Variants in CSMD2 observed in about 807,000 individuals in gnomAD.
CSMD2 encodes the protein CUB and sushi domain-containing protein 2.
In CSMD2, 130 loss-of-function variants were observed where a neutral mutation model predicts 398.5. That is an observed-to-expected ratio of 0.33 (90% confidence interval 0.28 to 0.38). The LOEUF is 0.38. Among genes scored for constraint, CSMD2 ranks in the 10% least tolerant of loss-of-function variants. The pLI, the probability that CSMD2 is intolerant of heterozygous loss-of-function variation, is 1.00. For synonymous variants in CSMD2, 1,828 were observed against 1,908.5 expected (o/e 0.96, Z 1.10); for missense variants, 3,829 against 4,764.9 (o/e 0.80, Z 5.78).
chr1:34,098,857 A>C (rs557265480), intron 1 of CSMD2, among the ~76,000 whole-genome samples: 21 of 152,328 alleles, frequency 1.4e-4, no homozygotes, highest in African/African-American at 5.1e-4. Context: ...GTGATTTTTT[A>C]GCATAATAGC....
In CSMD2 at chr1:33,692,908, C is replaced by T. The variant is rs1571241810; in HGVS notation, c.4052+22G>A. 11 of 1,606,910 alleles carry T rather than the reference C, an allele frequency of 6.8e-6. No individual in the cohort carries two copies. The East Asian group carries it at 2.0e-4, about 30-fold the overall frequency. ...TCCCCTGAACAACTGGCGATAGTTA[C>T]TTTGTCAGCCCTGACACTTACCCAA... On this transcript the variant is annotated intron_variant, in intron 25 of 70. Transcript: ENST00000373381.
chr1:33,774,136 TG>T (rs1196672663), intron 12 of CSMD2, among the ~76,000 whole-genome samples: 2 of 135,130 alleles, frequency 1.5e-5, no homozygotes, highest in Non-Finnish European at 3.1e-5. Flanking sequence ...TGTGTGTGTG[TG>T]TGTGTGTGTG....
intron 2 of CSMD2, among the ~76,000 whole-genome samples, chr1:34,061,540 G>GC (rs5773450): frequency 0.28 from 42,876 of 151,892 alleles, 6,947 homozygotes; most frequent in African/African-American, 0.43. Context: ...TGACTCATGG[G>GC]CTCAAATCCC....
chr1:33,526,240 G>A (rs1436683004), intron 65 of CSMD2, among the ~76,000 whole-genome samples: 3 of 152,148 alleles, frequency 2.0e-5, no homozygotes, highest in African/African-American at 7.2e-5. Context: ...AATGGAAGAG[G>A]GGAGAAGAGA....
At chr1:34,077,317 C>T (rs528468357) in intron 2 of CSMD2, among the ~76,000 whole-genome samples, 21 of 149,800 alleles carry the variant, frequency 1.4e-4, no homozygotes, top group Admixed American at 3.3e-4. Flanking sequence ...ATTAGCCGGG[C>T]GCGGTGGCGG....
chr1:34,004,493 C>T (rs375969626), intron 3 of CSMD2, among the ~76,000 whole-genome samples: 4 of 151,992 alleles, frequency 2.6e-5, no homozygotes, highest in African/African-American at 4.8e-5. Flanking sequence ...TTTTTGCCAG[C>T]GCCATTCTTT....
intron 3 of CSMD2, among the ~76,000 whole-genome samples, chr1:34,010,361 T>A (rs7541989): frequency 0.16 from 23,700 of 152,118 alleles, 2,445 homozygotes; most frequent in East Asian, 0.46. Context: ...CATACTGGAT[T>A]ATAAGGATAA....
intron 5 of CSMD2, among the ~76,000 whole-genome samples, chr1:33,906,990 T>G (rs1643128059): frequency 6.6e-6 from 1 of 151,884 alleles, no homozygotes; most frequent in Non-Finnish European, 1.5e-5. Context: ...AGAAAATGAC[T>G]GACAGTGTAA....
At chr1:33,627,502 A>G (rs1642201624) in intron 32 of CSMD2, among the ~76,000 whole-genome samples, 1 of 152,140 alleles carries the variant, frequency 6.6e-6, no homozygotes, top group African/African-American at 2.4e-5. Flanking sequence ...CTCAGGACGA[A>G]GCAGGGATTA....
intron 3 of CSMD2, among the ~76,000 whole-genome samples, chr1:33,957,229 G>C (rs891249372): frequency 6.6e-6 from 1 of 152,054 alleles, no homozygotes; most frequent in Non-Finnish European, 1.5e-5. Context: ...TGCAAGCAGG[G>C]AGCCTCTCTG....
chr1:34,087,778 TTTG>T (rs1301794450), intron 2 of CSMD2, among the ~76,000 whole-genome samples: 1 of 152,098 alleles, frequency 6.6e-6, no homozygotes, highest in African/African-American at 2.4e-5. Flanking sequence ...AGGCGGTGGC[TTTG>T]TTTTTCTCAC....
At chr1:34,162,405 G>A (rs1307087271) in intron 1 of CSMD2, among the ~76,000 whole-genome samples, 1 of 152,108 alleles carries the variant, frequency 6.6e-6, no homozygotes, top group Non-Finnish European at 1.5e-5. Flanking sequence ...GTTCAGTCCT[G>A]AGCATCTTTT....
rs138598655 is a variant in CSMD2 at position 33,905,602 on chromosome 1, G to A, written c.920+12492C>T. Among the ~76,000 whole-genome samples the A allele has an allele frequency of 1.9e-3, 291 of 152,310 alleles. 1 individual carries two copies. The highest frequency in any genetic ancestry group is 6.6e-3 in the African/African-American group (274 of 41,562). ...TGAGCCATTCCGTGGTAGCTGAGTG[G>A]GATGGAGTAATAGGGGTTTGATGGG... On this transcript the variant is annotated intron_variant, in intron 5 of 70. Coordinates refer to ENST00000373381, the MANE Select transcript of CSMD2 (RefSeq NM_001281956.2).
At chr1:33,578,238 A>G (rs577224756) in intron 48 of CSMD2, among the ~76,000 whole-genome samples, 1 of 152,330 alleles carries the variant, frequency 6.6e-6, no homozygotes, top group South Asian at 2.1e-4. Context: ...TCAAGTATCT[A>G]TTATCTTCCA....
chr1:34,104,109 TTTTC>T (rs1459684914), intron 1 of CSMD2, among the ~76,000 whole-genome samples: 1 of 152,230 alleles, frequency 6.6e-6, no homozygotes, highest in African/African-American at 2.4e-5. Context: ...GATTAGATGC[TTTTC>T]TTTAAGTCCC....
At position 34,126,270 on chromosome 1, in the gene CSMD2, C is replaced by T. The variant is rs892022007; in HGVS notation, c.188-37077G>A. Reference sequence around the variant, plus strand: ...TAAGGCACTTCCGGCAGCTCCCAATCCATTCCCTAGAAAATAAAGCCGAGC... The same window carrying T: ...TAAGGCACTTCCGGCAGCTCCCAATTCATTCCCTAGAAAATAAAGCCGAGC... On this transcript the variant is annotated intron_variant, in intron 1 of 70. Coordinates refer to ENST00000373381, the MANE Select transcript of CSMD2 (RefSeq NM_001281956.2). Among the ~76,000 whole-genome samples, 9 of 152,344 alleles carry T rather than the reference C, an allele frequency of 5.9e-5. No individual in the cohort carries two copies. The East Asian group carries it at 1.7e-3, about 29-fold the overall frequency.
At chr1:33,825,900 G>A (rs1011138347) in intron 6 of CSMD2, 126 bp from the exon 7 acceptor site, 1 of 710,356 alleles carries the variant, frequency 1.4e-6, no homozygotes, top group African/African-American at 1.8e-5. Flanking sequence ...AGGAACTTCT[G>A]GGCTGGGACA....
intron 4 of CSMD2, among the ~76,000 whole-genome samples, chr1:33,927,241 G>A (rs899256330): frequency 6.6e-6 from 1 of 152,110 alleles, no homozygotes; most frequent in African/African-American, 2.4e-5. Context: ...TCTTCCTGGG[G>A]GCTTTGGACT....
At chr1:33,680,917 GCT>G (rs1491370646) in intron 25 of CSMD2, among the ~76,000 whole-genome samples, 1 of 54,296 alleles carries the variant, frequency 1.8e-5, no homozygotes, top group African/African-American at 8.0e-5. Context: ...CCTGTTTTAT[GCT>G]TTTTTTTTTT....
Sources: gnomAD v4.1 joint callset for allele counts (sites outside exome capture counted in the v4.1 genomes callset) on GRCh38, gnomAD v4.1.1 for gene constraint, MANE v1.5 for transcripts, NCBI Gene and HGNC (gene_info 2026-07-23, HGNC 2026-07-21) for gene names.